DNAAF11: variants seen among roughly 807,000 people sequenced by gnomAD.
DNAAF11 encodes the protein dynein axonemal assembly factor 11, also known as leucine rich repeat containing 6.
Under a neutral mutation model 60.8 loss-of-function variants are expected in DNAAF11, and 45 were observed. The observed-to-expected ratio is 0.74, with a 90% CI of 0.58 to 0.95. The LOEUF (loss-of-function observed/expected upper bound fraction) is 0.95. Among genes scored for constraint, DNAAF11 ranks in the 40% least tolerant of loss-of-function variants. DNAAF11 has a pLI of 0.00. For missense variants in DNAAF11, 546 were observed against 546.2 expected (o/e 1.00, Z 0.00); for synonymous variants, 191 against 183.5 (o/e 1.04, Z -0.33).
chr8:132,685,836 G>A, the DNAAF11 span, among the ~76,000 whole-genome samples: 2 of 152,162 alleles, frequency 1.3e-5, no homozygotes, highest in African/African-American at 4.8e-5. Flanking sequence ...TGTGTTTCAA[G>A]AACATGGTGT....
chr8:132,652,669 T>C (rs1450843349), intron 3 of DNAAF11, among the ~76,000 whole-genome samples: 1 of 152,116 alleles, frequency 6.6e-6, no homozygotes, highest in South Asian at 2.1e-4. Context: ...GAAACCATCA[T>C]TCTCAGCAAA....
chr8:132,598,699 A>C lies in DNAAF11; in HGVS notation c.1140+11467T>G, dbSNP rs530338999. On this transcript the variant is annotated intron_variant, in intron 10 of 11. Coordinates refer to ENST00000620350, the MANE Select transcript of DNAAF11 (RefSeq NM_012472.6). ...TATCTCTTTAAATATTATCTCTGCT[A>C]GAAATAAAGATGTTCTTTGAAACCA... 3.3e-5 allele frequency among the ~76,000 whole-genome samples: 5 copies of C among 152,350 alleles called. No homozygotes were observed. The South Asian group carries it at 1.0e-3, about 32-fold the overall frequency.
At chr8:132,634,340 CAG>C (rs1429081130) in intron 4 of DNAAF11, among the ~76,000 whole-genome samples, 3 of 152,116 alleles carry the variant, frequency 2.0e-5, no homozygotes, top group African/African-American at 7.2e-5. Context: ...ATTTCTAGCA[CAG>C]AGTTTCATAA....
At chr8:132,695,270 A>T in the DNAAF11 span, among the ~76,000 whole-genome samples, 3 of 152,204 alleles carry the variant, frequency 2.0e-5, no homozygotes, top group Non-Finnish European at 4.4e-5. Flanking sequence ...CTAAGCAACG[A>T]AGAATCAAAA....
chr8:132,652,996 T>C (rs564869080), intron 3 of DNAAF11, among the ~76,000 whole-genome samples: 1 of 151,966 alleles, frequency 6.6e-6, no homozygotes, highest in African/African-American at 2.4e-5. Context: ...AACTATAAAA[T>C]GAACAGGGAT....
upstream of DNAAF11, among the ~76,000 whole-genome samples, chr8:132,675,864 C>G (rs925107991): frequency 2.0e-5 from 3 of 152,216 alleles, no homozygotes; most frequent in African/African-American, 7.2e-5. Context: ...CCGCCTTTGA[C>G]TTTTTCCTTT....
At chr8:132,661,396 AC>A in intron 2 of DNAAF11, 63 bp downstream of exon 2, 1 of 1,329,148 alleles carries the variant, frequency 7.5e-7, no homozygotes, top group Middle Eastern at 2.2e-4. Context: ...ATAACACAGC[AC>A]TTTCCAAAGT....
At chr8:132,590,644 C>A (rs1197879920) in intron 10 of DNAAF11, among the ~76,000 whole-genome samples, 2 of 152,206 alleles carry the variant, frequency 1.3e-5, no homozygotes, top group African/African-American at 4.8e-5. Context: ...GATTCCCACA[C>A]CTTCTAGTTA....
At chr8:132,576,491 C>T (rs576567574) in intron 11 of DNAAF11, among the ~76,000 whole-genome samples, 7 of 152,250 alleles carry the variant, frequency 4.6e-5, no homozygotes, top group African/African-American at 1.2e-4. Context: ...CCAAGTGAGA[C>T]GATTTGACTG....
At chr8:132,647,980 G>A (rs928916411) in intron 3 of DNAAF11, among the ~76,000 whole-genome samples, 2 of 152,114 alleles carry the variant, frequency 1.3e-5, no homozygotes, top group Non-Finnish European at 2.9e-5. Flanking sequence ...ATCAACAGAA[G>A]AAGAGGGAAT....
Position 132,607,316 on chromosome 8 carries a change from T to A in DNAAF11, c.1140+2850A>T, listed in dbSNP as rs1023962974. Among the ~76,000 whole-genome samples, 7 of 152,210 alleles carry A rather than the reference T, an allele frequency of 4.6e-5. No individual in the cohort carries two copies. The East Asian group carries it at 1.3e-3, about 29-fold the overall frequency. The stretch of plus-strand genomic sequence containing the variant: ...TGACTTTCTGGGAAATGTGGCTGTA[T>A]ACTAGGGACCGTGATATTTGTGTAT... On this transcript the variant is annotated intron_variant, in intron 10 of 11. Transcript: ENST00000620350.
intron 11 of DNAAF11, among the ~76,000 whole-genome samples, chr8:132,577,260 C>T (rs2130963306): frequency 6.6e-6 from 1 of 152,234 alleles, no homozygotes; most frequent in Admixed American, 6.5e-5. Context: ...AAGGAAAGGC[C>T]AACAGAATAC....
intron 6 of DNAAF11, among the ~76,000 whole-genome samples, chr8:132,623,053 AC>A (rs1300678280): frequency 6.6e-6 from 1 of 152,216 alleles, no homozygotes; most frequent in Non-Finnish European, 1.5e-5. Flanking sequence ...CCATTTGTGC[AC>A]AGAGCTTCTG....
chr8:132,576,036 G>T (rs920430640), intron 11 of DNAAF11, among the ~76,000 whole-genome samples: 1 of 152,184 alleles, frequency 6.6e-6, no homozygotes, highest in Non-Finnish European at 1.5e-5. Flanking sequence ...TTCGCTTTGA[G>T]ATACTCAAGC....
intron 3 of DNAAF11, among the ~76,000 whole-genome samples, chr8:132,650,179 T>C (rs889150054): frequency 2.0e-5 from 3 of 152,208 alleles, no homozygotes; most frequent in East Asian, 1.9e-4. Flanking sequence ...CATGGAATAC[T>C]ATGCAGCCAT....
the DNAAF11 span, among the ~76,000 whole-genome samples, chr8:132,681,092 C>T: frequency 7.6e-6 from 1 of 131,554 alleles, no homozygotes; most frequent in Non-Finnish European, 1.6e-5. Context: ...CTCACTGGAA[C>T]CTCCACTTTC....
Position 132,607,677 on chromosome 8 carries a change from T to C in DNAAF11, c.1140+2489A>G, listed in dbSNP as rs572422586. ...ATTTGAATTTATTTTTAATATTCCA[T>C]ATATAAATGACATCAAGCAATATTT... is the stretch of plus-strand genomic sequence containing the variant. On this transcript the variant is annotated intron_variant, in intron 10 of 11. Transcript: ENST00000620350. 3.0e-4 allele frequency among the ~76,000 whole-genome samples: 46 copies of C among 152,362 alleles called. 2 individuals carry two copies. In the South Asian group the frequency reaches 9.1e-3, roughly 30 times the overall value.
At chr8:132,593,881 T>A (rs981942653) in intron 10 of DNAAF11, among the ~76,000 whole-genome samples, 1 of 151,856 alleles carries the variant, frequency 6.6e-6, no homozygotes, top group African/African-American at 2.4e-5. Flanking sequence ...ATACCACCCA[T>A]AAAAATCCAA....
intron 1 of DNAAF11, 120 bp downstream of exon 1, chr8:132,675,364 T>C: frequency 8.7e-7 from 1 of 1,148,156 alleles, no homozygotes; most frequent in African/African-American, 1.6e-5. Context: ...GGGGTTAGGG[T>C]CCGCCCAGGC....
Sources: gnomAD v4.1 joint callset for allele counts (sites outside exome capture counted in the v4.1 genomes callset) on GRCh38, gnomAD v4.1.1 for gene constraint, MANE v1.5 for transcripts, NCBI Gene and HGNC (gene_info 2026-07-23, HGNC 2026-07-21) for gene names.